GALNT17: variants seen among roughly 807,000 people sequenced by gnomAD.
GALNT17 encodes the protein polypeptide N-acetylgalactosaminyltransferase 17, also known as UDP-GalNAc:polypeptide N-acetylgalactosaminyltransferase-like 3.
Under a neutral mutation model 63.7 loss-of-function variants are expected in GALNT17, and 29 were observed. That is an observed-to-expected ratio of 0.46 (90% confidence interval 0.34 to 0.62). GALNT17 has a LOEUF of 0.62. Ranked by LOEUF, GALNT17 falls within the 20% of genes least tolerant of loss-of-function variation. The pLI is 0.01. For synonymous variants in GALNT17, 305 were observed against 318.3 expected (o/e 0.96, Z 0.45); for missense variants, 603 against 799.6 (o/e 0.75, Z 2.97).
At chr7:71,271,028 A>G (rs1159084337) in intron 1 of GALNT17, among the ~76,000 whole-genome samples, 1 of 152,176 alleles carries the variant, frequency 6.6e-6, no homozygotes, top group Non-Finnish European at 1.5e-5. Context: ...CACATCTTCC[A>G]TTTACACTTA....
Position 71,598,430 on chromosome 7 carries a change from T to C in GALNT17, c.1080+27028T>C, listed in dbSNP as rs569358999. On this transcript the variant is annotated intron_variant, in intron 6 of 10. Transcript: ENST00000333538. ...CAGAGATATAGGCAATGCACCCATA[T>C]AGGCATGGATCTCACATATGTGAAG... Among the ~76,000 whole-genome samples the C allele has an allele frequency of 2.3e-4, 35 of 152,362 alleles. No individual in the cohort carries two copies. In the South Asian group the frequency reaches 7.2e-3, roughly 32 times the overall value.
Position 71,265,098 on chromosome 7 carries a change from T to TTTTATATA in GALNT17, c.239-70451_239-70450insTTATATAT, listed in dbSNP as rs144493671. On this transcript the variant is annotated intron_variant, in intron 1 of 10. Coordinates refer to ENST00000333538, the MANE Select transcript of GALNT17 (RefSeq NM_022479.3). ...AAATACCACACGTAACCCATAAATA[T>TTTTATATA]TATATATATATATATATATATTTTT... is the stretch of plus-strand genomic sequence containing the variant. Among the ~76,000 whole-genome samples, 124 of 78,318 alleles carry TTTTATATA rather than the reference T, an allele frequency of 1.6e-3. 9 individuals are homozygous for TTTTATATA. Among genetic ancestry groups the TTTTATATA allele is most frequent in the African/African-American group, 2.7e-3 (58 of 21,828 alleles). The allele number at this position is 78,318 out of a possible 152,430, so 51.4% of individuals were successfully genotyped here.
At chr7:71,274,320 C>A (rs1790646800) in intron 1 of GALNT17, among the ~76,000 whole-genome samples, 1 of 152,130 alleles carries the variant, frequency 6.6e-6, no homozygotes, top group Admixed American at 6.5e-5. Flanking sequence ...TCTCTGTTGC[C>A]CAGGCTGGTG....
At chr7:71,381,880 A>G (rs369204227) in intron 2 of GALNT17, among the ~76,000 whole-genome samples, 2 of 152,180 alleles carry the variant, frequency 1.3e-5, no homozygotes, top group African/African-American at 2.4e-5. Flanking sequence ...TGCAGCCTGC[A>G]GTGTCAGCTG....
At chr7:71,541,917 A>G (rs1041044724) in intron 5 of GALNT17, among the ~76,000 whole-genome samples, 2 of 152,204 alleles carry the variant, frequency 1.3e-5, no homozygotes, top group Admixed American at 1.3e-4. Context: ...AGGGAGGCCC[A>G]TTTCAGAGAC....
intron 1 of GALNT17, among the ~76,000 whole-genome samples, chr7:71,168,705 A>ATGTGTGTGTGTGTG (rs10536926): frequency 1.2e-4 from 18 of 149,050 alleles, no homozygotes; most frequent in African/African-American, 2.7e-4. Flanking sequence ...AGTTACGTGT[A>ATGTGTGTGTGTGTG]TGTGTGTGTG....
intron 6 of GALNT17, among the ~76,000 whole-genome samples, chr7:71,639,338 A>G (rs1790572428): frequency 6.6e-6 from 1 of 152,198 alleles, no homozygotes; most frequent in Non-Finnish European, 1.5e-5. Flanking sequence ...TGTCTAACTG[A>G]TCTGCACTCT....
chr7:71,498,100 G>C (rs7791581), intron 5 of GALNT17, among the ~76,000 whole-genome samples: 1 of 152,158 alleles, frequency 6.6e-6, no homozygotes, highest in Non-Finnish European at 1.5e-5. Context: ...CCTGAAGGCG[G>C]GAAGATGGGT....
chr7:71,167,502 T>A (rs1788464614), intron 1 of GALNT17, among the ~76,000 whole-genome samples: 1 of 152,196 alleles, frequency 6.6e-6, no homozygotes, highest in Non-Finnish European at 1.5e-5. Context: ...AAGTACCTTA[T>A]CAGATAGATG....
intron 6 of GALNT17, among the ~76,000 whole-genome samples, chr7:71,597,276 T>C (rs1238287009): frequency 6.6e-6 from 1 of 152,076 alleles, no homozygotes; most frequent in Non-Finnish European, 1.5e-5. Flanking sequence ...CCTAACCTTG[T>C]GATCCACCTG....
At position 71,176,874 on chromosome 7, in the gene GALNT17, T is replaced by TA. The variant is rs533483041; in HGVS notation, c.238+43835dup. ...TCTAGCAGGCATTTATTTGAGCACTTACGGTATGCTGGAACCTAAAAGAAT... is the reference window on the plus strand; with the variant it reads ...TCTAGCAGGCATTTATTTGAGCACTTAACGGTATGCTGGAACCTAAAAGAAT... On this transcript the variant is annotated intron_variant, in intron 1 of 10. Transcript: ENST00000333538. 1.6e-4 allele frequency among the ~76,000 whole-genome samples: 25 copies of TA among 152,316 alleles called. No homozygotes were observed. The South Asian group carries it at 4.8e-3, about 29-fold the overall frequency.
intron 1 of GALNT17, among the ~76,000 whole-genome samples, chr7:71,180,214 C>T (rs151041525): frequency 6.6e-6 from 1 of 151,978 alleles, no homozygotes; most frequent in Non-Finnish European, 1.5e-5. Context: ...CAACCTCTGC[C>T]TCCCGGGTTC....
At position 71,357,292 on chromosome 7, in the gene GALNT17, G is replaced by A. The variant is rs552988179; in HGVS notation, c.422+21559G>A. Among the ~76,000 whole-genome samples, 6 of 152,256 alleles carry A rather than the reference G, an allele frequency of 3.9e-5. No homozygotes were observed. In the South Asian group the frequency reaches 1.2e-3, roughly 32 times the overall value. On this transcript the variant is annotated intron_variant, in intron 2 of 10. Transcript: ENST00000333538. ...AGTGCCACCTCCTGCCAGATCAGCG[G>A]CAGCATTAGATTCTCATAGGAGCGC... is the stretch of plus-strand genomic sequence containing the variant.
chr7:71,352,063 C>G (rs763517785), intron 2 of GALNT17, among the ~76,000 whole-genome samples: 62 of 152,226 alleles, frequency 4.1e-4, no homozygotes, highest in African/African-American at 1.2e-3. Context: ...TGAATTGTAG[C>G]TCTCATAATT....
At chr7:71,657,058 G>A (rs994889268) in intron 6 of GALNT17, among the ~76,000 whole-genome samples, 1 of 152,132 alleles carries the variant, frequency 6.6e-6, no homozygotes, top group Non-Finnish European at 1.5e-5. Context: ...ACTTATGCCC[G>A]AATGATCCTT....
At chr7:71,274,588 G>C (rs1049258688) in intron 1 of GALNT17, among the ~76,000 whole-genome samples, 2 of 152,156 alleles carry the variant, frequency 1.3e-5, no homozygotes, top group African/African-American at 2.4e-5. Flanking sequence ...TGCTCATTCT[G>C]CTTTTTATGT....
At chr7:71,275,727 A>T (rs1178237855) in intron 1 of GALNT17, among the ~76,000 whole-genome samples, 6 of 152,132 alleles carry the variant, frequency 3.9e-5, no homozygotes, top group Admixed American at 3.9e-4. Context: ...GGAAGGAGAG[A>T]AGGAGGCAAT....
intron 1 of GALNT17, chr7:71,283,949 C>G (rs1790822199): frequency 6.6e-6 from 1 of 152,196 alleles, no homozygotes; most frequent in African/African-American, 2.4e-5. Context: ...CCAATCAACA[C>G]TCTGTAAAAT....
At chr7:71,682,962 G>T (rs904024705) in intron 9 of GALNT17, among the ~76,000 whole-genome samples, 2 of 152,070 alleles carry the variant, frequency 1.3e-5, no homozygotes, top group Non-Finnish European at 2.9e-5. Context: ...CTCCTTTCCT[G>T]CTGGGAGCTT....
Sources: allele counts gnomAD v4.1 joint callset (sites outside exome capture counted in the v4.1 genomes callset), GRCh38; gene constraint gnomAD v4.1.1; transcripts MANE v1.5; gene names NCBI Gene and HGNC (gene_info 2026-07-23, HGNC 2026-07-21).